The following PCDHA8 variants were observed in gnomAD, a reference collection of about 807,000 sequenced individuals.
PCDHA8 encodes the protein protocadherin alpha 8, also known as protocadherin alpha-8.
A neutral mutation model predicts 61.8 loss-of-function variants in PCDHA8; 53 were observed. That is an observed-to-expected ratio of 0.86 (90% confidence interval 0.69 to 1.08). The LOEUF is 1.08. Among genes scored for constraint, PCDHA8 ranks in the 50% least tolerant of loss-of-function variants. The pLI is 0.00. For synonymous variants in PCDHA8, 618 were observed against 556.6 expected, an observed-to-expected ratio of 1.11 and a Z score of -1.55; for missense variants, 1,293 against 1,245.0, an observed-to-expected ratio of 1.04 and a Z score of -0.58.
At chr5:140,944,407 G>A (rs1384591675) in intron 1 of PCDHA8, among the ~76,000 whole-genome samples, 2 of 152,036 alleles carry the variant, frequency 1.3e-5, no homozygotes, top group East Asian at 1.9e-4. Context: ...GGCTGGTCTC[G>A]AACTCCTGAT....
At chr5:140,986,141 G>C (rs1473474920) in intron 3 of PCDHA8, among the ~76,000 whole-genome samples, 2 of 152,138 alleles carry the variant, frequency 1.3e-5, no homozygotes, top group African/African-American at 2.4e-5. Context: ...ATCAACAAGG[G>C]CATCACCAAG....
At chr5:140,906,891 T>C (rs2073026399) in intron 1 of PCDHA8, among the ~76,000 whole-genome samples, 1 of 152,152 alleles carries the variant, frequency 6.6e-6, no homozygotes, top group South Asian at 2.1e-4. Context: ...CCTTCTTAGA[T>C]TGTTGGTTTA....
chr5:140,855,643 A>G (rs1205505162), intron 1 of PCDHA8, among the ~76,000 whole-genome samples: 1 of 149,878 alleles, frequency 6.7e-6, no homozygotes, highest in East Asian at 1.9e-4. Flanking sequence ...ATTGATAATC[A>G]TGTGGTTAGG....
chr5:140,871,022 A>ACT, intron 1 of PCDHA8: 1 of 1,613,114 alleles, frequency 6.2e-7, no homozygotes, highest in Non-Finnish European at 8.5e-7. Flanking sequence ...GACGAGGCAG[A>ACT]CTCGCCGCGC....
At chr5:140,873,076 AT>A (rs2054077114) in intron 1 of PCDHA8, among the ~76,000 whole-genome samples, 1 of 152,056 alleles carries the variant, frequency 6.6e-6, no homozygotes, top group South Asian at 2.1e-4. Flanking sequence ...ATATCTAGCT[AT>A]TTCCCCCCCG....
rs1193059751 is a variant in PCDHA8 at position 140,857,644 on chromosome 5, C to G, written c.2394+13929C>G. ...ACGAGGAGCTGGAGCTGCTACAGTT[C>G]CAGGTGAGCGCGCGCGATGGGGGCG... On this transcript the variant is annotated intron_variant, in intron 1 of 3. Coordinates refer to ENST00000531613, the MANE Select transcript of PCDHA8 (RefSeq NM_018911.3). 9 of 1,596,322 alleles carry G rather than the reference C, an allele frequency of 5.6e-6. 1 individual carries two copies. Among genetic ancestry groups the G allele is most frequent in the Non-Finnish European group, 7.7e-6 (9 of 1,167,662 alleles).
intron 1 of PCDHA8, among the ~76,000 whole-genome samples, chr5:140,914,503 T>C (rs2879076): frequency 0.12 from 17,707 of 152,222 alleles, 1,150 homozygotes; most frequent in Middle Eastern, 0.19. Context: ...CAACAGATCA[T>C]TGGGTCATGT....
chr5:140,954,824 C>T (rs1167171102), intron 1 of PCDHA8, among the ~76,000 whole-genome samples: 2 of 152,068 alleles, frequency 1.3e-5, no homozygotes, highest in Non-Finnish European at 2.9e-5. Flanking sequence ...GCTTTAGGCA[C>T]TTTTGTCATG....
chr5:140,920,728 C>T (rs781955762), intron 1 of PCDHA8, among the ~76,000 whole-genome samples: 8 of 151,974 alleles, frequency 5.3e-5, no homozygotes, highest in Non-Finnish European at 1.0e-4. Context: ...CCTGCAGTCC[C>T]AGCTACTCAG....
At chr5:140,851,091 G>C in intron 1 of PCDHA8, 1 of 1,292,680 alleles carries the variant, frequency 7.7e-7, no homozygotes, top group Non-Finnish European at 1.0e-6. Flanking sequence ...ATATTAAATA[G>C]ATATTTTTTG....
intron 1 of PCDHA8, among the ~76,000 whole-genome samples, chr5:140,944,520 T>G (rs1554216391): frequency 6.6e-6 from 1 of 152,140 alleles, no homozygotes; most frequent in Non-Finnish European, 1.5e-5. Flanking sequence ...TATTTTGTGC[T>G]TTAAATGATT....
chr5:140,966,854 C>T (rs1554228784), intron 1 of PCDHA8: 2 of 1,573,744 alleles, frequency 1.3e-6, no homozygotes, highest in Admixed American at 1.8e-5. Context: ...GCCTCTCCTG[C>T]TGCTGTTGCT....
At chr5:140,870,819 G>C (rs1365807310) in intron 1 of PCDHA8, 3 of 1,613,714 alleles carry the variant, frequency 1.9e-6, no homozygotes, top group South Asian at 1.1e-5. Flanking sequence ...CTGGCAGCGC[G>C]GGAGGCGCAG....
At chr5:140,947,153 C>T (rs1306730368) in intron 1 of PCDHA8, among the ~76,000 whole-genome samples, 4 of 150,836 alleles carry the variant, frequency 2.7e-5, no homozygotes, top group African/African-American at 4.9e-5. Context: ...GTTACTTCCA[C>T]GGGGTAGAAA....
Position 141,002,117 on chromosome 5 carries a change from C to T in PCDHA8, c.2543-7510C>T, listed in dbSNP as rs74680186. Among the ~76,000 whole-genome samples, 37 of 152,378 alleles carry T rather than the reference C, an allele frequency of 2.4e-4. 1 individual carries two copies. The East Asian group carries it at 6.0e-3, about 25-fold the overall frequency. ...GGGCTGGGCCGGAAACGGCTATAAT[C>T]ATTTAATAGCCTTTGCCGGCTGCAC... On this transcript the variant is annotated intron_variant, in intron 3 of 3. Transcript: ENST00000531613.
rs183812467 is a variant in PCDHA8, at chr5:140,921,187, A to G, written c.2395-57762A>G. Among the ~76,000 whole-genome samples the G allele has an allele frequency of 1.1e-3, 174 of 152,102 alleles. 2 individuals carry two copies. Among genetic ancestry groups the G allele is most frequent in the Non-Finnish European group, 2.1e-4 (14 of 68,012 alleles). ...AACACACATAAAGCACAGTTTTTTC[A>G]CAATAGATTGACAACGATAATTCAC... On this transcript the variant is annotated intron_variant, in intron 1 of 3. Transcript: ENST00000531613.
chr5:140,949,880 A>G (rs1448161802), intron 1 of PCDHA8, among the ~76,000 whole-genome samples: 1 of 151,692 alleles, frequency 6.6e-6, no homozygotes, highest in African/African-American at 2.4e-5. Flanking sequence ...TTATTTGGGT[A>G]TTCCTCAGAA....
chr5:140,961,465 T>C (rs2095614873), intron 1 of PCDHA8, among the ~76,000 whole-genome samples: 2 of 152,218 alleles, frequency 1.3e-5, no homozygotes, highest in Admixed American at 1.3e-4. Context: ...GCTGCCTTTC[T>C]TTTTTTGTCT....
chr5:140,842,446 C>G lies in PCDHA8; in HGVS notation c.1125C>G (p.Asn375Lys). The G allele has an allele frequency of 6.2e-7, 1 of 1,613,788 alleles. No individual in the cohort carries two copies. Among genetic ancestry groups the G allele is most frequent in the Non-Finnish European group, 8.5e-7 (1 of 1,179,792 alleles). Residue 375 changes from asparagine to lysine, a missense_variant, in exon 1 of 4, where the codon AAC (asparagine) becomes AAG (lysine). Coordinates refer to ENST00000531613, the MANE Select transcript of PCDHA8 (RefSeq NM_018911.3). ...CTGTCATCGCCCTAATTAGCGTGAACGACCTCGATTCAGGTGCCAACGGGC... is the reference window on the plus strand; with the variant it reads ...CTGTCATCGCCCTAATTAGCGTGAAGGACCTCGATTCAGGTGCCAACGGGC... ...FGTVIALISV[N>K]DLDSGANGQV... is the part of the protein sequence containing the mutation.
Sources: allele counts gnomAD v4.1 joint callset (sites outside exome capture counted in the v4.1 genomes callset), GRCh38; gene constraint gnomAD v4.1.1; transcripts MANE v1.5; gene names NCBI Gene and HGNC (gene_info 2026-07-23, HGNC 2026-07-21).